MARCHF1: variants seen among roughly 807,000 people sequenced by gnomAD.
MARCHF1 encodes the protein E3 ubiquitin-protein ligase MARCHF1.
A neutral mutation model predicts 54.2 loss-of-function variants in MARCHF1; 40 were observed. That is an observed-to-expected ratio of 0.74 (90% CI 0.57 to 0.96). MARCHF1 has a LOEUF of 0.96. Ranked by LOEUF, MARCHF1 falls within the 40% of genes least tolerant of loss-of-function variation. The pLI, the probability that MARCHF1 is intolerant of heterozygous loss-of-function variation, is 0.00. For synonymous variants in MARCHF1, 236 were observed against 236.3 expected (o/e 1.00, Z 0.01); for missense variants, 586 against 656.5 (o/e 0.89, Z 1.17).
At chr4:163,972,359 T>C (rs576697597) in intron 3 of MARCHF1, among the ~76,000 whole-genome samples, 2 of 152,112 alleles carry the variant, frequency 1.3e-5, no homozygotes, top group Non-Finnish European at 2.9e-5. Context: ...AAAAATTTTT[T>C]TAAAAATTGA....
chr4:163,864,539 C>T (rs1052815206), intron 3 of MARCHF1, among the ~76,000 whole-genome samples: 2 of 151,892 alleles, frequency 1.3e-5, no homozygotes, highest in African/African-American at 4.8e-5. Flanking sequence ...ATGAAGTTTG[C>T]ACTTTGGTTA....
chr4:163,918,571 A>G (rs1005707781), intron 3 of MARCHF1, among the ~76,000 whole-genome samples: 1 of 152,162 alleles, frequency 6.6e-6, no homozygotes, highest in Non-Finnish European at 1.5e-5. Flanking sequence ...TGAGGAAAAA[A>G]AAGTGTGTAT....
chr4:163,667,306 T>G (rs568739699), intron 5 of MARCHF1, among the ~76,000 whole-genome samples: 45 of 152,242 alleles, frequency 3.0e-4, no homozygotes, highest in Non-Finnish European at 3.5e-4. Context: ...TAGAACCAGA[T>G]GACCCACCAA....
intron 5 of MARCHF1, among the ~76,000 whole-genome samples, chr4:163,640,907 T>C (rs1742529485): frequency 6.6e-6 from 1 of 152,084 alleles, no homozygotes; most frequent in Non-Finnish European, 1.5e-5. Context: ...AGAATATTTA[T>C]TTTCCATTTC....
At position 163,626,852 on chromosome 4, in the gene MARCHF1, G is replaced by A. The variant is rs955810658; in HGVS notation, c.163-13459C>T. Among the ~76,000 whole-genome samples the A allele has an allele frequency of 4.6e-5, 7 of 152,020 alleles. 1 individual carries two copies. Among genetic ancestry groups the A allele is most frequent in the Admixed American group, 3.3e-4 (5 of 15,250 alleles). On this transcript the variant is annotated intron_variant, in intron 5 of 9. Transcript: ENST00000514618. ...TGAGGCAGGGGAATTGCTTGAACCT[G>A]GGAGGTGGAGGTTGCAGTGAGCGAG...
chr4:164,367,511 G>T (rs1730909074), intron 1 of MARCHF1, among the ~76,000 whole-genome samples: 1 of 151,750 alleles, frequency 6.6e-6, no homozygotes, highest in African/African-American at 2.4e-5. Flanking sequence ...GTTATTCCTA[G>T]AAATAACTTC....
chr4:163,632,830 C>G (rs1038316426), intron 5 of MARCHF1, among the ~76,000 whole-genome samples: 39 of 152,362 alleles, frequency 2.6e-4, no homozygotes, highest in African/African-American at 9.1e-4. Context: ...GTAACCTCTG[C>G]AGACTTAAAT....
chr4:164,014,224 A>C (rs1753489536), intron 2 of MARCHF1, among the ~76,000 whole-genome samples: 1 of 151,812 alleles, frequency 6.6e-6, no homozygotes, highest in Admixed American at 6.6e-5. Context: ...AGAAAGCAGA[A>C]AGTCAAAAAA....
intron 5 of MARCHF1, among the ~76,000 whole-genome samples, chr4:163,652,450 A>C (rs1743000985): frequency 6.6e-6 from 1 of 151,834 alleles, no homozygotes; most frequent in Non-Finnish European, 1.5e-5. Context: ...CTCTCCTGGA[A>C]GAGTGACTTT....
intron 1 of MARCHF1, among the ~76,000 whole-genome samples, chr4:164,111,968 T>C (rs1273137132): frequency 6.6e-6 from 1 of 151,852 alleles, no homozygotes; most frequent in Non-Finnish European, 1.5e-5. Context: ...AGAAGGGTTA[T>C]TTGAGCCATT....
intron 1 of MARCHF1, among the ~76,000 whole-genome samples, chr4:164,309,034 T>C (rs1420778911): frequency 2.0e-5 from 3 of 149,688 alleles, no homozygotes; most frequent in Non-Finnish European, 4.4e-5. Context: ...TCGGTAAAAA[T>C]AGATGATAGG....
intron 1 of MARCHF1, among the ~76,000 whole-genome samples, chr4:164,215,710 T>G (rs1012831692): frequency 6.6e-6 from 1 of 151,938 alleles, no homozygotes; most frequent in Non-Finnish European, 1.5e-5. Context: ...TTTAAAAGAT[T>G]TAGGAGGGAG....
intron 1 of MARCHF1, among the ~76,000 whole-genome samples, chr4:164,291,028 C>T (rs2111366294): frequency 1.3e-5 from 2 of 151,872 alleles, no homozygotes; most frequent in Admixed American, 1.3e-4. Context: ...CGTAGTATTA[C>T]AATTGTTTAT....
intron 1 of MARCHF1, among the ~76,000 whole-genome samples, chr4:164,192,675 T>C (rs76828655): frequency 0.015 from 2,260 of 152,306 alleles, 57 homozygotes; most frequent in African/African-American, 0.052. Flanking sequence ...TGTAGTAATA[T>C]TGGATTTCTT....
intron 4 of MARCHF1, among the ~76,000 whole-genome samples, chr4:163,812,897 A>G (rs1748432609): frequency 6.6e-6 from 1 of 152,224 alleles, no homozygotes; most frequent in Non-Finnish European, 1.5e-5. Flanking sequence ...ATAACATCAC[A>G]ACAGGGGATA....
At chr4:164,229,673 T>C (rs1159827598) in intron 1 of MARCHF1, among the ~76,000 whole-genome samples, 2 of 152,120 alleles carry the variant, frequency 1.3e-5, no homozygotes, top group Non-Finnish European at 1.5e-5. Context: ...GGAAGCATGA[T>C]ACTGTCATCT....
chr4:163,947,241 A>T (rs929467457), intron 3 of MARCHF1, among the ~76,000 whole-genome samples: 3 of 152,106 alleles, frequency 2.0e-5, no homozygotes, highest in African/African-American at 7.2e-5. Flanking sequence ...TAGATTTTTA[A>T]TTTTTTGTTA....
At chr4:163,763,775 T>C (rs1746898205) in intron 4 of MARCHF1, among the ~76,000 whole-genome samples, 1 of 152,116 alleles carries the variant, frequency 6.6e-6, no homozygotes. Flanking sequence ...TGGATTATAC[T>C]GTCATGTTGG....
At chr4:163,705,693 C>G (rs1402114981) in intron 4 of MARCHF1, among the ~76,000 whole-genome samples, 1 of 151,788 alleles carries the variant, frequency 6.6e-6, no homozygotes, top group Non-Finnish European at 1.5e-5. Flanking sequence ...GTAATAAAGA[C>G]AATATTCTAA....
Sources: gnomAD v4.1 joint callset for allele counts (sites outside exome capture counted in the v4.1 genomes callset) on GRCh38, gnomAD v4.1.1 for gene constraint, MANE v1.5 for transcripts, NCBI Gene and HGNC (gene_info 2026-07-23, HGNC 2026-07-21) for gene names.